Variants in PABPC1 observed in about 807,000 individuals in gnomAD.
PABPC1 encodes polyadenylate-binding protein 1.
In PABPC1, 4 loss-of-function variants were observed where a neutral mutation model predicts 74.0. The ratio of observed to expected loss-of-function variants is 0.05; its 90% CI spans 0.03 to 0.12. The LOEUF (loss-of-function observed/expected upper bound fraction) is 0.12, where lower values mean the gene tolerates loss of function less well. Among genes scored for constraint, PABPC1 ranks in the 10% least tolerant of loss-of-function variants. The pLI, the probability that PABPC1 is intolerant of heterozygous loss-of-function variation, is 1.00. For synonymous variants in PABPC1, 227 were observed against 264.1 expected (o/e 0.86, Z 1.36); for missense variants, 271 against 821.1 (o/e 0.33, Z 8.19).
In PABPC1 at chr8:100,721,677, G is replaced by A. The variant is rs1810836805; in HGVS notation, c.-94C>T. On this transcript the variant is annotated 5_prime_UTR_variant, in exon 1 of 15. Coordinates refer to ENST00000318607, the MANE Select transcript of PABPC1 (RefSeq NM_002568.4). The surrounding 1 kb of genome is among the most constrained non-coding windows in gnomAD (Gnocchi z 7.4). ...GCTGGGGGCCGGAGCCGGGGGGAGG[G>A]GAGCGGGGAGCAAGCGCAGAGGGAC... 1.9e-6 allele frequency: 2 copies of A among 1,041,412 alleles called. No individual in the cohort carries two copies. The highest frequency in any genetic ancestry group is 2.6e-6 in the Non-Finnish European group (2 of 760,690). 64.5% of individuals were successfully genotyped at this position (1,041,412 alleles called of 1,614,324 possible).
intron 9 of PABPC1, among the ~76,000 whole-genome samples, chr8:100,708,880 AAAATAAATAAAT>A (rs60749457): frequency 6.9e-6 from 1 of 145,282 alleles, no homozygotes; most frequent in African/African-American, 2.7e-5. Flanking sequence ...CTCTGTCTCG[AAAATAAATAAAT>A]AAATAAATAA....
intron 14 of PABPC1, chr8:100,704,061 A>AAAAAC: frequency 2.6e-6 from 1 of 384,868 alleles, no homozygotes; most frequent in African/African-American, 2.2e-5. Flanking sequence ...TCTCAAAAAA[A>AAAAAC]AAAAAAAAAA....
At chr8:100,703,510 T>C (rs1208927767) in intron 14 of PABPC1, among the ~76,000 whole-genome samples, 151 bp from the exon 15 acceptor site, 2 of 152,234 alleles carry the variant, frequency 1.3e-5, no homozygotes, top group East Asian at 1.9e-4. Flanking sequence ...CTATCTATGG[T>C]TGTCTTGACA....
Position 100,721,317 on chromosome 8 carries a change from T to C in PABPC1, c.193+74A>G. 2 of 491,656 alleles carry C rather than the reference T, an allele frequency of 4.1e-6. No individual in the cohort carries two copies. Among genetic ancestry groups the C allele is most frequent in the Non-Finnish European group, 2.8e-6 (1 of 360,920 alleles). The allele number at this position is 491,656 out of a possible 1,614,324, so 30.5% of individuals were successfully genotyped here. A position where few individuals can be genotyped will look rare whatever the true frequency, so the allele number is the denominator to read the frequency against. On this transcript the variant is annotated intron_variant, in intron 1 of 14. Coordinates refer to ENST00000318607, the MANE Select transcript of PABPC1 (RefSeq NM_002568.4). This position sits in a 1 kb window ranked among gnomAD's most constrained non-coding sequence, Gnocchi z 7.4. ...GCCCCCCTCCCCGGGCCCGCCGGCC[T>C]ACCCCGCCCGCCGCCGCCGCCCGAG...
In PABPC1 at chr8:100,705,707, C is replaced by T. The variant is rs372351209; in HGVS notation, c.1603-34G>A. The T allele has an allele frequency of 2.1e-5, 29 of 1,414,592 alleles. No homozygotes were observed. The African/African-American group carries it at 3.8e-4, about 19-fold the overall frequency. 87.6% of individuals were successfully genotyped at this position (1,414,592 alleles called of 1,614,324 possible). On this transcript the variant is annotated intron_variant, in intron 11 of 14. Coordinates refer to ENST00000318607, the MANE Select transcript of PABPC1 (RefSeq NM_002568.4). Reference sequence around the variant, plus strand: ...AAAATGAGAACTCTTAAGTTTAAAGCACAGAAAAAGATGGCAAATACAAAT... The same window carrying T: ...AAAATGAGAACTCTTAAGTTTAAAGTACAGAAAAAGATGGCAAATACAAAT...
At chr8:100,716,202 G>A (rs1301436821) in intron 3 of PABPC1, among the ~76,000 whole-genome samples, 1 of 152,204 alleles carries the variant, frequency 6.6e-6, no homozygotes, top group Non-Finnish European at 1.5e-5. Flanking sequence ...CCAGGAATTC[G>A]AGTTCAGCCT....
chr8:100,720,631 AGTTGCCT>A (rs1296256419), intron 1 of PABPC1, among the ~76,000 whole-genome samples: 2 of 152,248 alleles, frequency 1.3e-5, no homozygotes, highest in Non-Finnish European at 1.5e-5. Context: ...AAATGGTCTA[AGTTGCCT>A]GAGAAAACTG....
At position 100,709,741 on chromosome 8, in the gene PABPC1, AAAAG is replaced by A; in HGVS notation, c.973-14_973-11del. 1 of 1,492,832 alleles carries A rather than the reference AAAAG, an allele frequency of 6.7e-7. No individual in the cohort carries two copies. Among genetic ancestry groups the A allele is most frequent in the Non-Finnish European group, 8.9e-7 (1 of 1,117,444 alleles). The allele number at this position is 1,492,832 out of a possible 1,614,324, so 92.5% of individuals were successfully genotyped here. On this transcript the variant is annotated splice_polypyrimidine_tract_variant and intron_variant, in intron 7 of 14. Coordinates refer to ENST00000318607, the MANE Select transcript of PABPC1 (RefSeq NM_002568.4). ...CACCCTCCATCATAACCTATTAAAA[AAAAG>A]AAAAAAAAAGTTAACGTAATGGTAG...
chr8:100,714,792 G>T (rs1198643169), intron 4 of PABPC1, among the ~76,000 whole-genome samples: 3 of 152,050 alleles, frequency 2.0e-5, no homozygotes, highest in African/African-American at 7.2e-5. Context: ...ACACCTCTAA[G>T]TTCAACACAA....
intron 2 of PABPC1, 85 bp downstream of exon 2, chr8:100,718,002 C>T: frequency 7.5e-7 from 1 of 1,332,414 alleles, no homozygotes. Flanking sequence ...ATAAAGATAT[C>T]CATTACTGCA....
chr8:100,705,487 T>A (rs879237313), intron 12 of PABPC1, 102 bp downstream of exon 12: 1 of 765,346 alleles, frequency 1.3e-6, no homozygotes. Context: ...CCAATTCAGA[T>A]CAATTCCACT....
intron 4 of PABPC1, among the ~76,000 whole-genome samples, chr8:100,714,357 T>C (rs1036566030): frequency 1.3e-5 from 2 of 152,250 alleles, no homozygotes; most frequent in Non-Finnish European, 2.9e-5. Context: ...CTATGTTTTA[T>C]ATCATCTATC....
rs1280910865 is a variant in PABPC1, at chr8:100,722,083, A to C, written c.-500T>G. 1 of 152,256 alleles carries C rather than the reference A, an allele frequency of 6.6e-6. No homozygotes were observed. The highest frequency in any genetic ancestry group is 1.5e-5 in the Non-Finnish European group (1 of 68,134). 9.4% of individuals were successfully genotyped at this position (152,256 alleles called of 1,614,324 possible). On this transcript the variant is annotated 5_prime_UTR_variant, in exon 1 of 15. Coordinates refer to ENST00000318607, the MANE Select transcript of PABPC1 (RefSeq NM_002568.4). ...ACTCTCAGCACTAACCGCCGGGGAGAAGGGGAAGCACCGCCTCCTGCACCC... is the reference window on the plus strand; with the variant it reads ...ACTCTCAGCACTAACCGCCGGGGAGCAGGGGAAGCACCGCCTCCTGCACCC...
At chr8:100,707,071 C>A in intron 9 of PABPC1, 74 bp from the exon 10 acceptor site, 2 of 1,092,634 alleles carry the variant, frequency 1.8e-6, no homozygotes, top group Non-Finnish European at 1.4e-6. Context: ...CTGTCTTCTT[C>A]GATCTGAGGT....
chr8:100,707,015 G>A lies in PABPC1; in HGVS notation c.1337-18C>T, dbSNP rs201952783. 1 of 1,159,854 alleles carries A rather than the reference G, an allele frequency of 8.6e-7. No homozygotes were observed. Among genetic ancestry groups the A allele is most frequent in the Non-Finnish European group, 1.2e-6 (1 of 818,084 alleles). 71.8% of individuals were successfully genotyped at this position (1,159,854 alleles called of 1,614,324 possible). Reference sequence around the variant, plus strand: ...TTGGAATGCTGCATTTTAAAGATGTGAATATACATTAACTGGGAAAACTTA... The same window carrying A: ...TTGGAATGCTGCATTTTAAAGATGTAAATATACATTAACTGGGAAAACTTA... On this transcript the variant is annotated intron_variant, in intron 9 of 14. Coordinates refer to ENST00000318607, the MANE Select transcript of PABPC1 (RefSeq NM_002568.4).
chr8:100,717,892 G>A lies in PABPC1; in HGVS notation c.388-4C>T, dbSNP rs200817756. 841 of 1,460,622 alleles carry A rather than the reference G, an allele frequency of 5.8e-4. 6 individuals are homozygous for A. The highest frequency in any genetic ancestry group is 1.1e-4 in the Non-Finnish European group (121 of 1,068,360). 90.5% of individuals were successfully genotyped at this position (1,460,622 alleles called of 1,614,324 possible). On this transcript the variant is annotated splice_polypyrimidine_tract_variant and splice_region_variant and intron_variant, in intron 2 of 14. Coordinates refer to ENST00000318607, the MANE Select transcript of PABPC1 (RefSeq NM_002568.4). ...AACCATTTTCATCACAAACCACCTA[G>A]GGAAAAACATATACCCATTTTTCTT...
At position 100,709,566 on chromosome 8, in the gene PABPC1, T is replaced by C; in HGVS notation, c.1138A>G (p.Asn380Asp). 6.2e-7 allele frequency: 1 copy of C among 1,614,226 alleles called. No homozygotes were observed. Among genetic ancestry groups the C allele is most frequent in the Non-Finnish European group, 8.5e-7 (1 of 1,180,042 alleles). Residue 380 changes from asparagine (N) to aspartate (D), a missense_variant, in exon 8 of 15, where the codon AAC becomes GAC. Physicochemically the swap from Asn to Asp is conservative, Grantham distance 23 (BLOSUM62 1). This residue lies in a region of PABPC1 where 7 missense variants were observed against 71.8 expected (regional missense o/e 0.10). Transcript: ENST00000318607. ...CTTGCCATTCTCTGCATATACTGGTTAGTGAGGTGAGCCTGGCGCTCTTCT... is the reference window on the plus strand; with the variant it reads ...CTTGCCATTCTCTGCATATACTGGTCAGTGAGGTGAGCCTGGCGCTCTTCT... ...RKEERQAHLT[N>D]QYMQRMASVR...
chr8:100,703,734 G>A (rs987613215), intron 14 of PABPC1, among the ~76,000 whole-genome samples: 2 of 152,146 alleles, frequency 1.3e-5, no homozygotes, highest in East Asian at 3.8e-4. Context: ...ACCTGTGACA[G>A]GTCATTTTAT....
chr8:100,718,052 A>T (rs1030001581), intron 2 of PABPC1, 35 bp downstream of exon 2: 1 of 1,563,288 alleles, frequency 6.4e-7, no homozygotes, highest in Non-Finnish European at 8.8e-7. Flanking sequence ...GTAGCTCAAC[A>T]ATGTAAACAT....
Sources: allele counts gnomAD v4.1 joint callset (sites outside exome capture counted in the v4.1 genomes callset), GRCh38; gene constraint gnomAD v4.1.1; regional missense constraint gnomAD v4.1.1; non-coding constraint Gnocchi (gnomAD v3.1); transcripts MANE v1.5; gene names NCBI Gene and HGNC (gene_info 2026-07-23, HGNC 2026-07-21).